ST7L: variants seen among roughly 807,000 people sequenced by gnomAD.
The protein encoded by ST7L is suppressor of tumorigenicity 7 protein-like.
ST7L carries 57 observed loss-of-function variants against 72.5 expected under a neutral mutation model. The ratio of observed to expected loss-of-function variants is 0.79; its 90% CI spans 0.64 to 0.98. The LOEUF (loss-of-function observed/expected upper bound fraction) is 0.98, where lower values mean the gene tolerates loss of function less well. ST7L is among the 50% of genes least tolerant of loss of function. ST7L has a pLI of 0.00. For synonymous variants in ST7L, 221 were observed against 240.9 expected, an observed-to-expected ratio of 0.92 and a Z score of 0.77; for missense variants, 576 against 672.2, an observed-to-expected ratio of 0.86 and a Z score of 1.58.
rs924692201 is a variant in ST7L at position 112,525,325 on chromosome 1, T to G, written c.*688A>C. ...CTTTATTAGGGTAAATATATCACAG[T>G]TGCTACAGTGAATTGAGCTTTCTCA... On this transcript the variant is annotated 3_prime_UTR_variant, in exon 15 of 15. Coordinates refer to ENST00000358039, the MANE Select transcript of ST7L (RefSeq NM_017744.5). 1 of 152,264 alleles carries G rather than the reference T, an allele frequency of 6.6e-6. No homozygotes were observed. The highest frequency in any genetic ancestry group is 2.4e-5 in the African/African-American group (1 of 41,454). The allele number at this position is 152,264 out of a possible 1,614,324, so 9.4% of individuals were successfully genotyped here.
intron 2 of ST7L, among the ~76,000 whole-genome samples, chr1:112,615,772 C>G (rs1246780374): frequency 6.6e-6 from 1 of 152,130 alleles, no homozygotes; most frequent in Non-Finnish European, 1.5e-5. Flanking sequence ...AAGGGTTTCT[C>G]TCTGTCGCCC....
At chr1:112,542,156 T>G in intron 13 of ST7L, 66 bp from the exon 14 acceptor site, 1 of 1,401,948 alleles carries the variant, frequency 7.1e-7, no homozygotes. Context: ...TCTTAATCTT[T>G]TCAAATGAAA....
chr1:112,596,826 G>A (rs147395670), intron 5 of ST7L, among the ~76,000 whole-genome samples: 3,059 of 152,018 alleles, frequency 0.02, 103 homozygotes, highest in African/African-American at 0.069. Flanking sequence ...TTGTAGAGAC[G>A]GGGTTTTACC....
In ST7L at chr1:112,556,966, C is replaced by CAAAAAAAAAAAAAAAA. The variant is rs60106072; in HGVS notation, c.1246-964_1246-949dup. Among the ~76,000 whole-genome samples, 130 of 49,402 alleles carry CAAAAAAAAAAAAAAAA rather than the reference C, an allele frequency of 2.6e-3. 1 individual carries two copies. The highest frequency in any genetic ancestry group is 3.5e-3 in the Non-Finnish European group (85 of 24,132). The allele number at this position is 49,402 out of a possible 152,430, so 32.4% of individuals were successfully genotyped here. On this transcript the variant is annotated intron_variant, in intron 11 of 14. Transcript: ENST00000358039. The stretch of plus-strand genomic sequence containing the variant: ...CTGGCGACAGAGCGAGACTCTGTCT[C>CAAAAAAAAAAAAAAAA]AAAAAAAAAAAAAAAAAACAAAAAA...
intron 6 of ST7L, among the ~76,000 whole-genome samples, chr1:112,585,931 A>G (rs946196671): frequency 6.6e-6 from 1 of 152,224 alleles, no homozygotes; most frequent in African/African-American, 2.4e-5. Flanking sequence ...AAGACCAAGC[A>G]TTAAACAAAA....
rs779588543 is a variant in ST7L, at chr1:112,555,985, GAGGTA to G, written c.1274_1278del (p.Leu425SerfsTer9). ...TCACCCCGTTTCAGAATGTGTTCTG[GAGGTA>G]AAATTAAACTTTTCATCTCTAATAA... On this transcript the variant is annotated frameshift_variant, in exon 12 of 15. Coordinates refer to ENST00000358039, the MANE Select transcript of ST7L (RefSeq NM_017744.5). LOFTEE classifies it high-confidence loss of function. 6.2e-7 allele frequency: 1 copy of G among 1,607,340 alleles called. No homozygotes were observed. The highest frequency in any genetic ancestry group is 1.1e-5 in the South Asian group (1 of 89,890).
rs892303154 is a variant in ST7L, at chr1:112,618,174, T to C, written c.205+735A>G. The C allele has an allele frequency of 4.0e-6, 5 of 1,239,576 alleles. No homozygotes were observed. In the African/African-American group the frequency reaches 7.8e-5, roughly 19 times the overall value. The allele number at this position is 1,239,576 out of a possible 1,614,324, so 76.8% of individuals were successfully genotyped here. ...TCACATGGTAAGGGGACCTGGGCCC[T>C]AAACACTTCATCCTGTCTACAGCTA... On this transcript the variant is annotated intron_variant, in intron 1 of 14. Coordinates refer to ENST00000358039, the MANE Select transcript of ST7L (RefSeq NM_017744.5).
intron 12 of ST7L, among the ~76,000 whole-genome samples, chr1:112,555,197 T>C (rs1395409315): frequency 6.8e-6 from 1 of 147,770 alleles, no homozygotes; most frequent in Non-Finnish European, 1.5e-5. Flanking sequence ...AGTTTCATAT[T>C]GTATACATCG....
intron 9 of ST7L, among the ~76,000 whole-genome samples, chr1:112,580,308 C>G (rs935705501): frequency 6.6e-6 from 1 of 152,134 alleles, no homozygotes; most frequent in South Asian, 2.1e-4. Flanking sequence ...GCCACCACAC[C>G]CAGCTAAATT....
intron 9 of ST7L, 108 bp downstream of exon 9, chr1:112,581,884 G>A (rs1344195150): frequency 4.5e-5 from 36 of 794,096 alleles, no homozygotes; most frequent in Non-Finnish European, 5.1e-5. Flanking sequence ...GCTAAATACT[G>A]ACTGGTAAGA....
chr1:112,531,163 C>T (rs7513476), intron 14 of ST7L, among the ~76,000 whole-genome samples: 3,044 of 152,182 alleles, frequency 0.02, 102 homozygotes, highest in African/African-American at 0.069. Flanking sequence ...TTGTTTCATA[C>T]TGAAAACCAG....
At chr1:112,561,161 G>T (rs748704543) in intron 11 of ST7L, among the ~76,000 whole-genome samples, 1 of 151,584 alleles carries the variant, frequency 6.6e-6, no homozygotes, top group Non-Finnish European at 1.5e-5. Flanking sequence ...AAAACTGACC[G>T]ATGATTTTTT....
chr1:112,520,218 A>C, downstream of ST7L: 3 of 1,484,716 alleles, frequency 2.0e-6, no homozygotes, highest in Admixed American at 3.8e-5. Flanking sequence ...GAATGTGGTT[A>C]AGGGTATCCA....
chr1:112,600,718 A>G (rs755927205), intron 4 of ST7L, 76 bp downstream of exon 4: 10 of 1,291,690 alleles, frequency 7.7e-6, no homozygotes, highest in Non-Finnish European at 1.1e-5. Flanking sequence ...CGATATATTT[A>G]TAAAGACAAA....
intron 14 of ST7L, among the ~76,000 whole-genome samples, chr1:112,531,732 C>T (rs1654413203): frequency 6.6e-6 from 1 of 152,182 alleles, no homozygotes; most frequent in African/African-American, 2.4e-5. Flanking sequence ...ATATTTTATA[C>T]TTCACAGGTA....
chr1:112,618,935 A>G lies in ST7L; in HGVS notation c.179T>C (p.Leu60Ser), dbSNP rs2101116240. 1 of 1,576,188 alleles carries G rather than the reference A, an allele frequency of 6.3e-7. No individual in the cohort carries two copies. ...LGLLYALRIP[L>S]RLCENLAAVT... ...CGCTGCCAAATTCTCACACAGCCTC[A>G]AAGGGATCCTCAGGGCGTAAAGCAG... Residue 60 changes from leucine (L) to serine (S), a missense_variant, in exon 1 of 15, where the codon TTG becomes TCG. Coordinates refer to ENST00000358039, the MANE Select transcript of ST7L (RefSeq NM_017744.5).
At chr1:112,594,689 G>A (rs538683586) in intron 5 of ST7L, among the ~76,000 whole-genome samples, 5 of 152,140 alleles carry the variant, frequency 3.3e-5, no homozygotes, top group Admixed American at 2.0e-4. Flanking sequence ...TCATGGGGAG[G>A]CATGTTAATA....
At chr1:112,565,111 C>A (rs1571048140) in intron 11 of ST7L, among the ~76,000 whole-genome samples, 1 of 150,596 alleles carries the variant, frequency 6.6e-6, no homozygotes, top group East Asian at 2.0e-4. Context: ...ATGGCGCGAT[C>A]TCGGCTCACT....
intron 11 of ST7L, among the ~76,000 whole-genome samples, chr1:112,556,703 T>C (rs1334996186): frequency 6.6e-6 from 1 of 151,404 alleles, no homozygotes; most frequent in African/African-American, 2.4e-5. Flanking sequence ...CAAGGCCGAG[T>C]GCGCTGGCTC....
Sources: allele counts gnomAD v4.1 joint callset (sites outside exome capture counted in the v4.1 genomes callset), GRCh38; gene constraint gnomAD v4.1.1; transcripts MANE v1.5; gene names NCBI Gene and HGNC (gene_info 2026-07-23, HGNC 2026-07-21).